HDAC9: variants seen among roughly 807,000 people sequenced by gnomAD.
HDAC9 encodes the protein histone deacetylase 9.
A neutral mutation model predicts 139.4 loss-of-function variants in HDAC9; 41 were observed. The observed-to-expected ratio is 0.29, with a 90% CI of 0.23 to 0.38. The LOEUF is 0.38. Ranked by LOEUF, HDAC9 falls within the 10% of genes least tolerant of loss-of-function variation. HDAC9 has a pLI of 1.00. For synonymous variants in HDAC9, 517 were observed against 476.2 expected, an observed-to-expected ratio of 1.09 and a Z score of -1.12; for missense variants, 1,147 against 1,297.0, an observed-to-expected ratio of 0.88 and a Z score of 1.78.
intron 6 of HDAC9, among the ~76,000 whole-genome samples, chr7:18,601,682 T>C (rs1217477705): frequency 6.6e-6 from 1 of 152,158 alleles, no homozygotes; most frequent in Non-Finnish European, 1.5e-5. Flanking sequence ...CCTCACAAAT[T>C]AATGTTGGGT....
intron 12 of HDAC9, among the ~76,000 whole-genome samples, chr7:18,696,476 T>G (rs1190720316): frequency 6.8e-6 from 1 of 147,388 alleles, no homozygotes; most frequent in African/African-American, 2.5e-5. Flanking sequence ...TTTTTTTGCT[T>G]TTTTTTTTTT....
intron 1 of HDAC9, among the ~76,000 whole-genome samples, chr7:18,116,909 T>G (rs894569626): frequency 6.6e-6 from 1 of 152,238 alleles, no homozygotes; most frequent in African/African-American, 2.4e-5. Flanking sequence ...TCTCACCACA[T>G]GGAACCACTA....
At chr7:18,594,505 C>T (rs1831917010) in intron 6 of HDAC9, among the ~76,000 whole-genome samples, 1 of 151,950 alleles carries the variant, frequency 6.6e-6, no homozygotes, top group Non-Finnish European at 1.5e-5. Context: ...GCCAAAGCTA[C>T]CTTCTGAGTA....
At chr7:18,901,256 A>G (rs1175568057) in intron 22 of HDAC9, among the ~76,000 whole-genome samples, 2 of 148,854 alleles carry the variant, frequency 1.3e-5, no homozygotes, top group South Asian at 2.1e-4. Flanking sequence ...ACATATATAC[A>G]TATACATATA....
rs867384436 is a variant in HDAC9 at position 18,513,448 on chromosome 7, G to A, written c.22+17124G>A. Among the ~76,000 whole-genome samples, 4 of 152,310 alleles carry A rather than the reference G, an allele frequency of 2.6e-5. No individual in the cohort carries two copies. The Middle Eastern group carries it at 0.01, about 389-fold the overall frequency. ...GCTTCACCAAGTTAGTCACTGAATA[G>A]TGCCTTAAAAGACCAATGGAGAAGT... On this transcript the variant is annotated intron_variant, in intron 2 of 25. Coordinates refer to ENST00000686413, the MANE Select transcript of HDAC9 (RefSeq NM_178425.4).
chr7:18,760,450 A>G lies in HDAC9; in HGVS notation c.2044-1707A>G, dbSNP rs212673. On this transcript the variant is annotated intron_variant, in intron 14 of 25. Coordinates refer to ENST00000686413, the MANE Select transcript of HDAC9 (RefSeq NM_178425.4). Reference sequence around the variant, plus strand: ...ACTTGGTTCAAGATGTTTTCTAATCAATCAGAAAGATGGCTGACCAGAAGG... The same window carrying G: ...ACTTGGTTCAAGATGTTTTCTAATCGATCAGAAAGATGGCTGACCAGAAGG... 9.2e-3 allele frequency among the ~76,000 whole-genome samples: 1,403 copies of G among 152,264 alleles called. 25 individuals are homozygous for G. The highest frequency in any genetic ancestry group is 0.032 in the African/African-American group (1,350 of 41,544).
intron 8 of HDAC9, among the ~76,000 whole-genome samples, chr7:18,641,270 A>G (rs1429486553): frequency 6.6e-6 from 1 of 152,126 alleles, no homozygotes; most frequent in African/African-American, 2.4e-5. Context: ...GAGAAATTAA[A>G]TAAGATTTTG....
chr7:18,156,416 AT>A (rs1412726407), intron 1 of HDAC9, among the ~76,000 whole-genome samples: 4 of 152,086 alleles, frequency 2.6e-5, no homozygotes, highest in Admixed American at 6.5e-5. Flanking sequence ...TCTCAAGGAT[AT>A]TTTTCTTTCT....
At chr7:18,134,290 A>G (rs935607150) in intron 1 of HDAC9, among the ~76,000 whole-genome samples, 1 of 152,064 alleles carries the variant, frequency 6.6e-6, no homozygotes, top group Admixed American at 6.6e-5. Context: ...GCTGGATAGC[A>G]TATTATTTTT....
intron 12 of HDAC9, among the ~76,000 whole-genome samples, chr7:18,690,567 C>G (rs1247897465): frequency 1.3e-5 from 2 of 151,874 alleles, no homozygotes; most frequent in African/African-American, 4.8e-5. Context: ...TTTATTCTTT[C>G]TGCTGTTCTG....
intron 1 of HDAC9, among the ~76,000 whole-genome samples, chr7:18,415,918 AT>A (rs763944305): frequency 6.6e-6 from 1 of 152,058 alleles, no homozygotes; most frequent in Non-Finnish European, 1.5e-5. Flanking sequence ...TCATCTATGC[AT>A]TTTTTTGTGA....
chr7:18,612,045 A>G (rs1837305174), intron 6 of HDAC9, among the ~76,000 whole-genome samples: 1 of 152,152 alleles, frequency 6.6e-6, no homozygotes, highest in African/African-American at 2.4e-5. Flanking sequence ...ATTCTGAGAA[A>G]TTGTAAATGT....
intron 2 of HDAC9, among the ~76,000 whole-genome samples, chr7:18,190,058 A>G (rs903255044): frequency 1.3e-5 from 2 of 150,386 alleles, no homozygotes; most frequent in Admixed American, 1.3e-4. Context: ...TTCTGCCTCA[A>G]CCTCCCAACT....
chr7:18,848,551 A>G (rs1797060486), intron 21 of HDAC9, among the ~76,000 whole-genome samples: 1 of 151,712 alleles, frequency 6.6e-6, no homozygotes, highest in Non-Finnish European at 1.5e-5. Context: ...GCTGGTTGTA[A>G]TCCGGTGAGA....
intron 2 of HDAC9, among the ~76,000 whole-genome samples, chr7:18,251,822 G>A (rs1460300877): frequency 6.6e-6 from 1 of 151,998 alleles, no homozygotes; most frequent in African/African-American, 2.4e-5. Context: ...ATGCGTATGT[G>A]GCTTACATAT....
intron 2 of HDAC9, among the ~76,000 whole-genome samples, chr7:18,526,051 T>C (rs1656065655): frequency 6.6e-6 from 1 of 152,172 alleles, no homozygotes; most frequent in South Asian, 2.1e-4. Context: ...TTTTAGGTAC[T>C]TTTTAGGGGT....
intron 2 of HDAC9, among the ~76,000 whole-genome samples, chr7:18,579,984 A>G (rs1469935927): frequency 6.6e-6 from 1 of 152,216 alleles, no homozygotes. Flanking sequence ...ATAAAGTAGC[A>G]ACGAAAGAGT....
At chr7:18,861,994 T>C (rs151178773) in intron 21 of HDAC9, among the ~76,000 whole-genome samples, 4 of 152,144 alleles carry the variant, frequency 2.6e-5, no homozygotes, top group African/African-American at 9.6e-5. Flanking sequence ...ACTATTTTGA[T>C]GTAGTGAAAT....
intron 2 of HDAC9, among the ~76,000 whole-genome samples, chr7:18,557,670 TA>T (rs1372883087): frequency 6.7e-6 from 1 of 148,878 alleles, no homozygotes; most frequent in Non-Finnish European, 1.5e-5. Flanking sequence ...TTATATATTA[TA>T]AATTACTTTT....
Sources: allele counts gnomAD v4.1 joint callset (sites outside exome capture counted in the v4.1 genomes callset), GRCh38; gene constraint gnomAD v4.1.1; transcripts MANE v1.5; gene names NCBI Gene and HGNC (gene_info 2026-07-23, HGNC 2026-07-21).